The following INPP5A variants were observed in gnomAD, a reference collection of about 807,000 sequenced individuals.
INPP5A encodes the protein 43 kDa inositol polyphosphate 5-phophatase.
Under a neutral mutation model 65.2 loss-of-function variants are expected in INPP5A, and 14 were observed. That is an observed-to-expected ratio of 0.21 (90% confidence interval 0.14 to 0.34). The LOEUF (loss-of-function observed/expected upper bound fraction) is 0.34. Ranked by LOEUF, INPP5A falls within the 10% of genes least tolerant of loss-of-function variation. The pLI is 1.00. For missense variants in INPP5A, 431 were observed against 545.6 expected, an observed-to-expected ratio of 0.79 and a Z score of 2.09; for synonymous variants, 207 against 208.3, an observed-to-expected ratio of 0.99 and a Z score of 0.05.
chr10:132,662,522 A>G (rs761177957), intron 4 of INPP5A, among the ~76,000 whole-genome samples: 1 of 152,350 alleles, frequency 6.6e-6, no homozygotes, highest in African/African-American at 2.4e-5. Flanking sequence ...GATTTCATGT[A>G]TATCATATTC....
intron 2 of INPP5A, among the ~76,000 whole-genome samples, chr10:132,609,828 A>G (rs1246861914): frequency 6.6e-6 from 1 of 152,100 alleles, no homozygotes; most frequent in Non-Finnish European, 1.5e-5. Flanking sequence ...TATTTTTAGT[A>G]GAGACGGGGT....
chr10:132,602,118 ATTTC>A (rs1420371960), intron 1 of INPP5A, among the ~76,000 whole-genome samples: 2 of 152,198 alleles, frequency 1.3e-5, no homozygotes, highest in Non-Finnish European at 2.9e-5. Flanking sequence ...GGATATCTGA[ATTTC>A]TTTCAGCAAC....
chr10:132,609,726 G>C (rs2071915144), intron 2 of INPP5A, among the ~76,000 whole-genome samples: 1 of 152,128 alleles, frequency 6.6e-6, no homozygotes, highest in Admixed American at 6.5e-5. Flanking sequence ...CTCACTGCAA[G>C]CTCCACCTCC....
chr10:132,691,662 A>G (rs1269005116), intron 5 of INPP5A, among the ~76,000 whole-genome samples: 2 of 152,226 alleles, frequency 1.3e-5, no homozygotes, highest in South Asian at 2.1e-4. Context: ...CACTCTAGCA[A>G]AACTTTCCCC....
Position 132,752,993 on chromosome 10 carries a change from A to C in INPP5A, c.903+3148A>C, listed in dbSNP as rs189014123. Among the ~76,000 whole-genome samples the C allele has an allele frequency of 2.7e-3, 418 of 152,198 alleles. 6 individuals carry two copies. Among genetic ancestry groups the C allele is most frequent in the African/African-American group, 8.5e-3 (353 of 41,500 alleles). On this transcript the variant is annotated intron_variant, in intron 11 of 15. Coordinates refer to ENST00000368594, the MANE Select transcript of INPP5A (RefSeq NM_005539.5). ...TGGTGCACTGTGTCGATACGTCGGG[A>C]GTCCCATGTGGAAAGGCGGCCTGAG...
intron 12 of INPP5A, among the ~76,000 whole-genome samples, chr10:132,769,810 C>G (rs375236503): frequency 4.6e-4 from 69 of 151,120 alleles, no homozygotes; most frequent in Middle Eastern, 3.4e-3. Context: ...TCCCCCCCCC[C>G]AAGTTCCTGA....
chr10:132,555,026 G>T lies in INPP5A; in HGVS notation c.75+16855G>T, dbSNP rs545651627. Among the ~76,000 whole-genome samples the T allele has an allele frequency of 2.0e-5, 3 of 151,594 alleles. No homozygotes were observed. Among genetic ancestry groups the T allele is most frequent in the South Asian group, 4.2e-4 (2 of 4,794 alleles). On this transcript the variant is annotated intron_variant, in intron 1 of 15. Coordinates refer to ENST00000368594, the MANE Select transcript of INPP5A (RefSeq NM_005539.5). The surrounding 1 kb of genome is among the most constrained non-coding windows in gnomAD (Gnocchi z 4.4). The stretch of plus-strand genomic sequence containing the variant: ...TCCCTGTGGGTAGTATGGGTGGCAT[G>T]GTATTGTGTGTGGCATGATTGGTAT...
At chr10:132,691,442 G>C (rs555316737) in intron 5 of INPP5A, among the ~76,000 whole-genome samples, 136 of 152,352 alleles carry the variant, frequency 8.9e-4, no homozygotes, top group Non-Finnish European at 1.4e-3. Context: ...AGCGGCCGGC[G>C]AGAGTGGAGA....
intron 11 of INPP5A, among the ~76,000 whole-genome samples, chr10:132,761,803 A>G (rs1351925113): frequency 6.6e-6 from 1 of 152,226 alleles, no homozygotes; most frequent in Non-Finnish European, 1.5e-5. Context: ...GTAAGGACAC[A>G]TTCCACAGAT....
At chr10:132,641,876 C>T (rs1832933934) in intron 2 of INPP5A, among the ~76,000 whole-genome samples, 1 of 152,236 alleles carries the variant, frequency 6.6e-6, no homozygotes, top group Admixed American at 6.5e-5. Context: ...CCGGGCTTCT[C>T]CTGATGCAAC....
chr10:132,577,458 C>T (rs950112316), intron 1 of INPP5A, among the ~76,000 whole-genome samples: 9 of 152,210 alleles, frequency 5.9e-5, no homozygotes, highest in African/African-American at 1.4e-4. Context: ...TGCGCATGCC[C>T]GGCCCCGGGC....
intron 12 of INPP5A, among the ~76,000 whole-genome samples, chr10:132,775,418 C>T (rs558912283): frequency 1.3e-5 from 2 of 152,206 alleles, no homozygotes; most frequent in South Asian, 4.1e-4. Context: ...GTCCAGGCCC[C>T]GCGTCCTGCT....
chr10:132,630,430 C>T (rs1019231359), intron 2 of INPP5A, among the ~76,000 whole-genome samples: 2 of 151,954 alleles, frequency 1.3e-5, no homozygotes, highest in Admixed American at 1.3e-4. Flanking sequence ...GGAAAGGTGC[C>T]CATGAGGGGA....
chr10:132,756,228 T>C (rs548832614), intron 11 of INPP5A, among the ~76,000 whole-genome samples: 83 of 152,142 alleles, frequency 5.5e-4, no homozygotes, highest in African/African-American at 2.0e-3. Flanking sequence ...CTTTGTGTGG[T>C]GTATGTATGC....
At chr10:132,725,008 G>A (rs2134577468) in intron 8 of INPP5A, among the ~76,000 whole-genome samples, 1 of 146,776 alleles carries the variant, frequency 6.8e-6, no homozygotes, top group East Asian at 2.2e-4. Flanking sequence ...TCACTCTCCA[G>A]AACTCACGGG....
intron 1 of INPP5A, among the ~76,000 whole-genome samples, chr10:132,556,481 C>A (rs1438148385): frequency 6.6e-6 from 1 of 152,210 alleles, no homozygotes; most frequent in South Asian, 2.1e-4. Context: ...CACACTTGCA[C>A]ACCACAGGCA....
chr10:132,600,552 A>G (rs977920742), intron 1 of INPP5A, among the ~76,000 whole-genome samples: 2 of 151,934 alleles, frequency 1.3e-5, no homozygotes, highest in African/African-American at 2.4e-5. Context: ...AACTGTTCCA[A>G]CCTCTGCCTG....
At chr10:132,597,109 G>A (rs902062718) in intron 1 of INPP5A, among the ~76,000 whole-genome samples, 1 of 152,150 alleles carries the variant, frequency 6.6e-6, no homozygotes, top group South Asian at 2.1e-4. Context: ...GTTTGCATGT[G>A]TGTGCATGGG....
In INPP5A at chr10:132,651,459, C is replaced by A. The variant is rs569377603; in HGVS notation, c.306+954C>A. Among the ~76,000 whole-genome samples, 4 of 146,886 alleles carry A rather than the reference C, an allele frequency of 2.7e-5. No homozygotes were observed. Among genetic ancestry groups the A allele is most frequent in the African/African-American group, 1.0e-4 (4 of 39,674 alleles). The stretch of plus-strand genomic sequence containing the variant: ...GTCTCTGGGGAGGCCCTGGGTCCCC[C>A]GGCTTGGGTCCATCTCCCCCATCTC... On this transcript the variant is annotated intron_variant, in intron 4 of 15. Transcript: ENST00000368594. The surrounding 1 kb of genome is among the most constrained non-coding windows in gnomAD (Gnocchi z 5.0).
Sources: allele counts gnomAD v4.1 joint callset (sites outside exome capture counted in the v4.1 genomes callset), GRCh38; gene constraint gnomAD v4.1.1; non-coding constraint Gnocchi (gnomAD v3.1); transcripts MANE v1.5; gene names NCBI Gene and HGNC (gene_info 2026-07-23, HGNC 2026-07-21).